The following HTR2C variants were observed in gnomAD, a reference collection of about 807,000 sequenced individuals.
HTR2C encodes the protein 5-hydroxytryptamine (serotonin) receptor 2C, G protein-coupled.
Under a neutral mutation model 21.0 loss-of-function variants are expected in HTR2C, and 5 were observed. The ratio of observed to expected loss-of-function variants is 0.24; its 90% CI spans 0.12 to 0.50. The LOEUF is 0.50. Among genes scored for constraint, HTR2C ranks in the 20% least tolerant of loss-of-function variants. The pLI is 0.98. For missense variants in HTR2C, 271 were observed against 371.2 expected (o/e 0.73, Z 2.22); for synonymous variants, 150 against 145.3 (o/e 1.03, Z -0.23).
chrX:114,851,896 C>A (rs2070920593), intron 5 of HTR2C, among the ~76,000 whole-genome samples: 1 of 111,092 alleles, frequency 9.0e-6, no homozygotes, highest in African/African-American at 3.3e-5. Flanking sequence ...TATATCAATA[C>A]CTTTAATCCC....
At chrX:114,678,278 C>T (rs1252010347) in intron 2 of HTR2C, among the ~76,000 whole-genome samples, 1 of 85,401 alleles carries the variant, frequency 1.2e-5, no homozygotes, top group East Asian at 3.6e-4. Context: ...CTGACACACA[C>T]ACACACACAC....
intron 2 of HTR2C, among the ~76,000 whole-genome samples, chrX:114,619,628 T>G (rs12846241): frequency 0.19 from 20,702 of 110,222 alleles, 1,452 homozygotes; most frequent in South Asian, 0.3. Flanking sequence ...CAGTACACCA[T>G]TTAACTCCTA....
At position 114,641,925 on chromosome X, in the gene HTR2C, G is replaced by A. The variant is rs782502079; in HGVS notation, c.-80+28044G>A. Among the ~76,000 whole-genome samples, 4 of 110,842 alleles carry A rather than the reference G, an allele frequency of 3.6e-5. No homozygotes were observed. The Admixed American group carries it at 3.9e-4, about 11-fold the overall frequency. On this transcript the variant is annotated intron_variant, in intron 2 of 5. Transcript: ENST00000276198. Reference sequence around the variant, plus strand: ...ACTCCCCGGCAAAAAGCCCCAGTGTGTGTTGTTCCCCTCCCTGTGTCCACG... The same window carrying A: ...ACTCCCCGGCAAAAAGCCCCAGTGTATGTTGTTCCCCTCCCTGTGTCCACG...
chrX:114,818,756 T>G (rs1556455333), intron 4 of HTR2C, among the ~76,000 whole-genome samples: 1 of 111,892 alleles, frequency 8.9e-6, no homozygotes. Flanking sequence ...TATGGCTGAT[T>G]TCATCCTGCA....
intron 4 of HTR2C, among the ~76,000 whole-genome samples, chrX:114,741,928 C>T (rs1389238597): frequency 2.7e-5 from 3 of 110,708 alleles, no homozygotes; most frequent in African/African-American, 9.9e-5. Context: ...AGGCAGGACT[C>T]AGTCACTTAG....
At chrX:114,753,779 TAAATC>T (rs1414573986) in intron 4 of HTR2C, among the ~76,000 whole-genome samples, 9 of 112,112 alleles carry the variant, frequency 8.0e-5, no homozygotes, top group Non-Finnish European at 1.7e-4. Flanking sequence ...AAGACCTAAA[TAAATC>T]AAGAGGCATA....
chrX:114,715,712 AC>A (rs1249061580), intron 2 of HTR2C, among the ~76,000 whole-genome samples: 1 of 111,900 alleles, frequency 8.9e-6, no homozygotes, highest in Non-Finnish European at 1.9e-5. Context: ...AAGATATCTA[AC>A]CTCAAGCTAT....
At chrX:114,806,201 C>CAT (rs200765970) in intron 4 of HTR2C, among the ~76,000 whole-genome samples, 1 of 96,509 alleles carries the variant, frequency 1.0e-5, no homozygotes, top group South Asian at 4.9e-4. Flanking sequence ...ATATATATAC[C>CAT]ATATATATAC....
chrX:114,788,408 C>G (rs1345579019), intron 4 of HTR2C, among the ~76,000 whole-genome samples: 1 of 109,721 alleles, frequency 9.1e-6, no homozygotes, highest in Non-Finnish European at 1.9e-5. Context: ...TTAGAGGTGT[C>G]CATCAGCTGC....
At chrX:114,682,842 G>A (rs979549947) in intron 2 of HTR2C, among the ~76,000 whole-genome samples, 1 of 111,494 alleles carries the variant, frequency 9.0e-6, no homozygotes, top group South Asian at 3.7e-4. Flanking sequence ...CTTTTAAGAG[G>A]TGGAACAGTG....
intron 4 of HTR2C, among the ~76,000 whole-genome samples, chrX:114,792,135 A>C (rs1342109840): frequency 1.8e-5 from 2 of 111,667 alleles, no homozygotes; most frequent in East Asian, 5.6e-4. Context: ...TTTTACTTTA[A>C]GTTCTGGATA....
intron 4 of HTR2C, among the ~76,000 whole-genome samples, chrX:114,791,630 GTTCA>G (rs782552704): frequency 1.8e-5 from 2 of 110,902 alleles, no homozygotes; most frequent in Admixed American, 1.9e-4. Flanking sequence ...GAGATCAGAA[GTTCA>G]TTCATTCATT....
intron 2 of HTR2C, among the ~76,000 whole-genome samples, chrX:114,643,572 G>A (rs1467700655): frequency 2.7e-5 from 3 of 110,866 alleles, no homozygotes; most frequent in Non-Finnish European, 3.8e-5. Context: ...TTGACTTTGT[G>A]TCCTGTCTGG....
At chrX:114,699,920 GCTACCACAGATATTAGCCTAT>G (rs1932406836) in intron 2 of HTR2C, among the ~76,000 whole-genome samples, 1 of 110,328 alleles carries the variant, frequency 9.1e-6, no homozygotes, top group Non-Finnish European at 1.9e-5. Flanking sequence ...ATCAAAAGTT[GCTACCACAGATATTAGCCTAT>G]TGCATTTCTT....
chrX:114,738,473 G>A (rs782735625), intron 4 of HTR2C, among the ~76,000 whole-genome samples: 2 of 111,152 alleles, frequency 1.8e-5, no homozygotes, highest in Non-Finnish European at 3.8e-5. Flanking sequence ...AATACACCAC[G>A]ACCAACTGGG....
chrX:114,646,763 T>C (rs1190069901), intron 2 of HTR2C, among the ~76,000 whole-genome samples: 1 of 112,308 alleles, frequency 8.9e-6, no homozygotes, highest in Non-Finnish European at 1.9e-5. Flanking sequence ...TTTTCCCATA[T>C]GTTTTCTTCC....
chrX:114,650,969 C>T (rs187917768), intron 2 of HTR2C, among the ~76,000 whole-genome samples: 17 of 111,432 alleles, frequency 1.5e-4, no homozygotes, highest in African/African-American at 4.9e-4. Flanking sequence ...GTATTAACTA[C>T]CCCAGAATAA....
chrX:114,600,498 T>C (rs1179894523), intron 1 of HTR2C, among the ~76,000 whole-genome samples: 1 of 111,236 alleles, frequency 9.0e-6, no homozygotes, highest in African/African-American at 3.3e-5. Flanking sequence ...TATTTACTAA[T>C]AGTAATAAAG....
chrX:114,688,922 A>T (rs1395070286), intron 2 of HTR2C, among the ~76,000 whole-genome samples: 1 of 109,114 alleles, frequency 9.2e-6, no homozygotes, highest in African/African-American at 3.3e-5. Context: ...TGAGATTTTG[A>T]TGCACCCATC....
Sources: gnomAD v4.1 joint callset for allele counts (sites outside exome capture counted in the v4.1 genomes callset) on GRCh38, gnomAD v4.1.1 for gene constraint, MANE v1.5 for transcripts, NCBI Gene and HGNC (gene_info 2026-07-23, HGNC 2026-07-21) for gene names.